FLRT1: variants seen among roughly 807,000 people sequenced by gnomAD.
FLRT1 encodes leucine-rich repeat transmembrane protein FLRT1.
A neutral mutation model predicts 30.9 loss-of-function variants in FLRT1; 14 were observed. The ratio of observed to expected loss-of-function variants is 0.45; its 90% confidence interval spans 0.30 to 0.71. The LOEUF (loss-of-function observed/expected upper bound fraction) is 0.71, where lower values mean the gene tolerates loss of function less well. FLRT1 is among the 30% of genes least tolerant of loss of function. The probability of loss-of-function intolerance (pLI) is 0.08; values close to 1 mark genes in which losing one functional copy is unlikely to be tolerated. For synonymous variants in FLRT1, 368 were observed against 430.4 expected (o/e 0.85, Z 1.80); for missense variants, 737 against 949.2 (o/e 0.78, Z 2.94).
chr11:64,039,071 T>G (rs1943435584), intron 1 of FLRT1, among the ~76,000 whole-genome samples: 1 of 152,136 alleles, frequency 6.6e-6, no homozygotes, highest in Non-Finnish European at 1.5e-5. Flanking sequence ...CAGGGAGGAC[T>G]GAGGTGGCCC....
chr11:64,112,290 GA>G (rs1318917120), intron 2 of FLRT1, among the ~76,000 whole-genome samples: 2 of 152,130 alleles, frequency 1.3e-5, no homozygotes, highest in African/African-American at 2.4e-5. Flanking sequence ...CAGGGAGGTG[GA>G]TCACGAGGTC....
intron 1 of FLRT1, among the ~76,000 whole-genome samples, chr11:64,072,337 G>A (rs1284089278): frequency 6.6e-6 from 1 of 152,208 alleles, no homozygotes; most frequent in Non-Finnish European, 1.5e-5. Context: ...CGAGCCTTTG[G>A]GGGTTGCCTC....
chr11:64,058,412 G>T (rs1467403656), intron 1 of FLRT1, among the ~76,000 whole-genome samples: 1 of 152,172 alleles, frequency 6.6e-6, no homozygotes, highest in Non-Finnish European at 1.5e-5. Flanking sequence ...TTGGGGGGGG[G>T]TCCTCCCCTG....
intron 1 of FLRT1, among the ~76,000 whole-genome samples, chr11:64,039,123 C>T (rs756310261): frequency 6.6e-6 from 1 of 152,180 alleles, no homozygotes; most frequent in African/African-American, 2.4e-5. Context: ...GGTACCTGGC[C>T]CAAGGGGCAG....
chr11:64,088,357 G>A (rs955500225), intron 1 of FLRT1, among the ~76,000 whole-genome samples: 1 of 152,158 alleles, frequency 6.6e-6, no homozygotes, highest in Non-Finnish European at 1.5e-5. Flanking sequence ...GGGGGCAGTG[G>A]GGCCTTGGGC....
intron 1 of FLRT1, among the ~76,000 whole-genome samples, chr11:64,078,565 C>T (rs1037742033): frequency 3.9e-5 from 6 of 152,212 alleles, no homozygotes; most frequent in South Asian, 4.1e-4. Flanking sequence ...GGTGTGAGCG[C>T]GGCCCTGTGC....
chr11:64,098,126 C>T (rs185023533), intron 1 of FLRT1, among the ~76,000 whole-genome samples: 1 of 152,178 alleles, frequency 6.6e-6, no homozygotes, highest in Admixed American at 6.5e-5. Context: ...CCTTCCAGGT[C>T]TCCATGCAGC....
chr11:64,116,031 C>T (rs1222601691), intron 2 of FLRT1, among the ~76,000 whole-genome samples, 188 bp from the exon 3 acceptor site: 5 of 152,196 alleles, frequency 3.3e-5, no homozygotes, highest in Non-Finnish European at 7.3e-5. Context: ...AGTCCGACCT[C>T]GGCGGGAGCA....
chr11:64,109,274 A>T (rs908447593), intron 2 of FLRT1, among the ~76,000 whole-genome samples: 4 of 152,204 alleles, frequency 2.6e-5, no homozygotes, highest in African/African-American at 9.7e-5. Context: ...GCTGAGCAGC[A>T]GACAGTGGGC....
intron 1 of FLRT1, among the ~76,000 whole-genome samples, chr11:64,047,090 C>T (rs1943598472): frequency 6.6e-6 from 1 of 152,044 alleles, no homozygotes. Flanking sequence ...ACGTGCTGTT[C>T]CCTGTGTCTG....
chr11:64,101,024 TG>T (rs970176469), intron 1 of FLRT1, among the ~76,000 whole-genome samples: 1 of 152,128 alleles, frequency 6.6e-6, no homozygotes, highest in Non-Finnish European at 1.5e-5. Flanking sequence ...AGCCAGGTGC[TG>T]GGGGATCCAG....
intron 1 of FLRT1, among the ~76,000 whole-genome samples, chr11:64,073,935 G>A (rs1207254024): frequency 6.6e-6 from 1 of 152,156 alleles, no homozygotes; most frequent in Non-Finnish European, 1.5e-5. Flanking sequence ...TGAAGGTCAG[G>A]GAGGGAGGCT....
At chr11:64,071,930 T>C (rs946056101) in intron 1 of FLRT1, among the ~76,000 whole-genome samples, 1 of 152,200 alleles carries the variant, frequency 6.6e-6, no homozygotes, top group African/African-American at 2.4e-5. Context: ...GTGACACTTC[T>C]AGGTCCCGGC....
intron 1 of FLRT1, among the ~76,000 whole-genome samples, chr11:64,063,421 G>GCTCC (rs1943940240): frequency 1.3e-5 from 2 of 152,154 alleles, no homozygotes; most frequent in African/African-American, 4.8e-5. Flanking sequence ...GAGCGATGGA[G>GCTCC]GGAGAGGAGG....
chr11:64,102,829 G>A (rs748915057), intron 1 of FLRT1, among the ~76,000 whole-genome samples: 3 of 152,106 alleles, frequency 2.0e-5, no homozygotes, highest in Non-Finnish European at 2.9e-5. Context: ...CATCACTTTG[G>A]GAGGCCGAGG....
At chr11:64,083,366 G>A (rs1320978924) in intron 1 of FLRT1, among the ~76,000 whole-genome samples, 1 of 152,202 alleles carries the variant, frequency 6.6e-6, no homozygotes, top group Admixed American at 6.5e-5. Context: ...AACCCAGGAA[G>A]TGGAGATTGC....
intron 1 of FLRT1, among the ~76,000 whole-genome samples, chr11:64,080,406 T>A (rs1208478134): frequency 1.3e-5 from 2 of 152,190 alleles, no homozygotes; most frequent in Non-Finnish European, 2.9e-5. Flanking sequence ...ACGTGTAGAA[T>A]TCAGCGGGTT....
Position 64,090,633 on chromosome 11 carries a change from A to G in FLRT1, c.-1037-12561A>G, listed in dbSNP as rs1944472798. Among the ~76,000 whole-genome samples the G allele has an allele frequency of 6.6e-6, 1 of 152,154 alleles. No individual in the cohort carries two copies. Among genetic ancestry groups the G allele is most frequent in the African/African-American group, 2.4e-5 (1 of 41,432 alleles). ...CCGCAGGAGGGGTCCCAGCTGGAGC[A>G]CTGCGCAGCCCCAGGCCTTGTCCCC... On this transcript the variant is annotated intron_variant, in intron 1 of 2. Coordinates refer to ENST00000682287, the MANE Select transcript of FLRT1 (RefSeq NM_013280.5). This position sits in a 1 kb window ranked among gnomAD's most constrained non-coding sequence, Gnocchi z 4.7.
chr11:64,053,734 G>A (rs919088446), intron 1 of FLRT1, among the ~76,000 whole-genome samples: 5 of 152,142 alleles, frequency 3.3e-5, no homozygotes, highest in African/African-American at 7.2e-5. Flanking sequence ...CTTGCCTTCC[G>A]CTCTCTGGGA....
Sources: gnomAD v4.1 joint callset for allele counts (sites outside exome capture counted in the v4.1 genomes callset) on GRCh38, gnomAD v4.1.1 for gene constraint, Gnocchi (gnomAD v3.1) non-coding constraint, MANE v1.5 for transcripts, NCBI Gene and HGNC (gene_info 2026-07-23, HGNC 2026-07-21) for gene names.